Variants in GPR158 observed in about 807,000 individuals in gnomAD.
The protein encoded by GPR158 is G protein-coupled receptor 158, also known as metabotropic glycine receptor.
GPR158 carries 30 observed loss-of-function variants against 78.2 expected under a neutral mutation model. The observed-to-expected ratio is 0.38, with a 90% confidence interval of 0.29 to 0.52. The LOEUF is 0.52. GPR158 is among the 20% of genes least tolerant of loss of function. The probability of loss-of-function intolerance (pLI) is 0.83; values close to 1 mark genes in which losing one functional copy is unlikely to be tolerated. For synonymous variants in GPR158, 581 were observed against 591.1 expected, an observed-to-expected ratio of 0.98 and a Z score of 0.25; for missense variants, 1,463 against 1,523.5, an observed-to-expected ratio of 0.96 and a Z score of 0.66.
At chr10:25,588,435 A>G (rs1453366970) in intron 7 of GPR158, among the ~76,000 whole-genome samples, 2 of 152,218 alleles carry the variant, frequency 1.3e-5, no homozygotes, top group African/African-American at 4.8e-5. Context: ...TCCACACTCA[A>G]CCCACAGAAG....
chr10:25,296,151 G>T (rs1854510360), intron 2 of GPR158, among the ~76,000 whole-genome samples: 1 of 151,930 alleles, frequency 6.6e-6, no homozygotes, highest in African/African-American at 2.4e-5. Flanking sequence ...TAACGTCAGA[G>T]ACTTACTCTC....
chr10:25,348,436 C>CACACAT (rs3220916), intron 2 of GPR158, among the ~76,000 whole-genome samples: 4 of 144,382 alleles, frequency 2.8e-5, no homozygotes, highest in Non-Finnish European at 4.5e-5. Context: ...CACACACACA[C>CACACAT]GGAAAAACCC....
rs376570603 is a variant in GPR158 at position 25,239,586 on chromosome 10, T to C, written c.1008+18429T>C. 2.1e-5 allele frequency among the ~76,000 whole-genome samples: 3 copies of C among 144,902 alleles called. No individual in the cohort carries two copies. The East Asian group carries it at 6.3e-4, about 30-fold the overall frequency. Reference sequence around the variant, plus strand: ...TCACACCACAGAACTTCAGCTTGGGTGACAGAGCGAGACTCTGTCTCAAAA... The same window carrying C: ...TCACACCACAGAACTTCAGCTTGGGCGACAGAGCGAGACTCTGTCTCAAAA... On this transcript the variant is annotated intron_variant, in intron 2 of 10. Coordinates refer to ENST00000376351, the MANE Select transcript of GPR158 (RefSeq NM_020752.3).
intron 2 of GPR158, among the ~76,000 whole-genome samples, chr10:25,304,422 C>G (rs754044978): frequency 6.6e-6 from 1 of 151,952 alleles, no homozygotes; most frequent in Non-Finnish European, 1.5e-5. Context: ...AATTCTGGCT[C>G]CAGAAGAAGA....
intron 2 of GPR158, among the ~76,000 whole-genome samples, chr10:25,262,104 A>G (rs1373718256): frequency 1.3e-5 from 2 of 152,160 alleles, no homozygotes; most frequent in South Asian, 2.1e-4. Context: ...TCTAGCTGCA[A>G]TATTAGCAAA....
chr10:25,185,909 C>G (rs370233583), intron 1 of GPR158, among the ~76,000 whole-genome samples: 6 of 152,260 alleles, frequency 3.9e-5, no homozygotes, highest in African/African-American at 1.4e-4. Context: ...TACCCCAAAA[C>G]AACAGAATAT....
chr10:25,584,474 T>C (rs913833555), intron 7 of GPR158, among the ~76,000 whole-genome samples: 1 of 152,256 alleles, frequency 6.6e-6, no homozygotes, highest in Non-Finnish European at 1.5e-5. Context: ...AAATCTTATT[T>C]TGTCTTATAT....
chr10:25,493,917 T>G (rs955219857), intron 5 of GPR158, among the ~76,000 whole-genome samples: 1 of 152,246 alleles, frequency 6.6e-6, no homozygotes, highest in Non-Finnish European at 1.5e-5. Flanking sequence ...GCGCTAAAGC[T>G]TTTCCTTATG....
At chr10:25,448,336 C>G (rs555940476) in intron 4 of GPR158, among the ~76,000 whole-genome samples, 1 of 152,034 alleles carries the variant, frequency 6.6e-6, no homozygotes, top group African/African-American at 2.4e-5. Context: ...ATGATCTGCC[C>G]ACCTTGGCCT....
At chr10:25,383,290 G>T (rs932011042) in intron 2 of GPR158, among the ~76,000 whole-genome samples, 1 of 152,182 alleles carries the variant, frequency 6.6e-6, no homozygotes, top group South Asian at 2.1e-4. Flanking sequence ...TTATGCCTCT[G>T]TGGTGTTGCC....
intron 1 of GPR158, among the ~76,000 whole-genome samples, chr10:25,195,589 G>A (rs1358337335): frequency 1.3e-5 from 2 of 152,200 alleles, no homozygotes; most frequent in African/African-American, 4.8e-5. Context: ...CCTGTGATTT[G>A]TATAAGTCGC....
At chr10:25,338,435 G>A (rs142423026) in intron 2 of GPR158, among the ~76,000 whole-genome samples, 3,159 of 140,394 alleles carry the variant, frequency 0.023, 116 homozygotes, top group African/African-American at 0.077. Flanking sequence ...TTATATATAC[G>A]TATTATATAT....
intron 5 of GPR158, among the ~76,000 whole-genome samples, chr10:25,504,533 AAC>A (rs2130661826): frequency 6.6e-6 from 1 of 152,246 alleles, no homozygotes; most frequent in East Asian, 1.9e-4. Context: ...AGGTATGTTA[AAC>A]AGTCACCTTC....
intron 4 of GPR158, among the ~76,000 whole-genome samples, chr10:25,457,908 T>A (rs1028002265): frequency 1.7e-4 from 26 of 152,216 alleles, no homozygotes; most frequent in African/African-American, 6.3e-4. Context: ...TTGACAAGCA[T>A]CTCATGTAAA....
chr10:25,293,110 G>A (rs572751810), intron 2 of GPR158, among the ~76,000 whole-genome samples: 2 of 152,282 alleles, frequency 1.3e-5, no homozygotes, highest in Admixed American at 1.3e-4. Flanking sequence ...ATGAAGCTTT[G>A]AGATTTTGCA....
chr10:25,396,426 C>A (rs571219522), intron 3 of GPR158, among the ~76,000 whole-genome samples: 1 of 152,116 alleles, frequency 6.6e-6, no homozygotes, highest in African/African-American at 2.4e-5. Flanking sequence ...AGCACAGATT[C>A]GTTATCATAC....
chr10:25,338,482 ATACG>A (rs1855251105), intron 2 of GPR158, among the ~76,000 whole-genome samples: 1 of 132,460 alleles, frequency 7.5e-6, no homozygotes, highest in African/African-American at 3.0e-5. Context: ...TACGTATAAT[ATACG>A]TATAATATAC....
At chr10:25,299,992 A>G (rs529944600) in intron 2 of GPR158, among the ~76,000 whole-genome samples, 9 of 152,198 alleles carry the variant, frequency 5.9e-5, no homozygotes, top group South Asian at 2.1e-4. Context: ...ACGCCCAGCT[A>G]GGTGATCCAC....
chr10:25,413,982 T>G (rs1834627543), intron 4 of GPR158, among the ~76,000 whole-genome samples: 1 of 152,290 alleles, frequency 6.6e-6, no homozygotes, highest in South Asian at 2.1e-4. Flanking sequence ...TAGATAAAAT[T>G]ATAGGTTTTG....
Sources: gnomAD v4.1 joint callset for allele counts (sites outside exome capture counted in the v4.1 genomes callset) on GRCh38, gnomAD v4.1.1 for gene constraint, MANE v1.5 for transcripts, NCBI Gene and HGNC (gene_info 2026-07-23, HGNC 2026-07-21) for gene names.